Variants in PHKB observed in about 807,000 individuals in gnomAD.
PHKB encodes the protein phosphorylase kinase regulatory subunit beta, also known as phosphorylase b kinase regulatory subunit beta.
Under a neutral mutation model 152.1 loss-of-function variants are expected in PHKB, and 122 were observed. The ratio of observed to expected loss-of-function variants is 0.80; its 90% confidence interval spans 0.69 to 0.93. PHKB has a LOEUF of 0.93. Among genes scored for constraint, PHKB ranks in the 40% least tolerant of loss-of-function variants. The probability of loss-of-function intolerance (pLI) is 0.00; values close to 1 mark genes in which losing one functional copy is unlikely to be tolerated. For missense variants in PHKB, 1,304 were observed against 1,328.4 expected, an observed-to-expected ratio of 0.98 and a Z score of 0.29; for synonymous variants, 436 against 464.9, an observed-to-expected ratio of 0.94 and a Z score of 0.80.
At chr16:47,623,859 G>A (rs1357826705) in intron 14 of PHKB, among the ~76,000 whole-genome samples, 2 of 152,034 alleles carry the variant, frequency 1.3e-5, no homozygotes, top group Non-Finnish European at 2.9e-5. Context: ...CGCCCAGCCT[G>A]ACAGTTTTGA....
chr16:47,561,831 T>C (rs781012434), intron 7 of PHKB: 1 of 152,226 alleles, frequency 6.6e-6, no homozygotes, highest in Non-Finnish European at 1.5e-5. Flanking sequence ...TGGACTCAAA[T>C]TGTCCAAGTT....
At chr16:47,682,170 C>G (rs919349858) in intron 26 of PHKB, among the ~76,000 whole-genome samples, 1 of 152,314 alleles carries the variant, frequency 6.6e-6, no homozygotes, top group African/African-American at 2.4e-5. Context: ...GTTACCCGAC[C>G]TTTCTCTCTG....
chr16:47,501,546 G>A (rs898513258), intron 3 of PHKB, among the ~76,000 whole-genome samples: 2 of 152,214 alleles, frequency 1.3e-5, no homozygotes, highest in Non-Finnish European at 2.9e-5. Context: ...AAATCTCCTT[G>A]TTTTCTAGAG....
chr16:47,692,046 G>GTTTGAGCTTTGTCACTT (rs1974070770), intron 27 of PHKB, among the ~76,000 whole-genome samples: 1 of 152,138 alleles, frequency 6.6e-6, no homozygotes, highest in Non-Finnish European at 1.5e-5. Flanking sequence ...ACCCTTAGAC[G>GTTTGAGCTTTGTCACTT]TTTGAGCTTT....
chr16:47,493,223 C>T (rs541297849), intron 1 of PHKB, among the ~76,000 whole-genome samples: 2 of 152,200 alleles, frequency 1.3e-5, no homozygotes, highest in South Asian at 4.1e-4. Context: ...ACACCAGGAG[C>T]AGGAGGGGGG....
chr16:47,669,748 GC>G (rs1454880572), intron 26 of PHKB, among the ~76,000 whole-genome samples: 1 of 152,190 alleles, frequency 6.6e-6, no homozygotes, highest in Non-Finnish European at 1.5e-5. Flanking sequence ...AAATGGATAG[GC>G]CTTAAGAGAA....
intron 6 of PHKB, among the ~76,000 whole-genome samples, chr16:47,539,595 C>G (rs184921284): frequency 6.6e-6 from 1 of 152,016 alleles, no homozygotes. Flanking sequence ...ATATTAGACT[C>G]TAAGCTTAAG....
In PHKB at chr16:47,471,813, C is replaced by T. The variant is rs545133104; in HGVS notation, c.76+10387C>T. Among the ~76,000 whole-genome samples, 15 of 152,240 alleles carry T rather than the reference C, an allele frequency of 9.9e-5. 1 individual carries two copies. The South Asian group carries it at 3.1e-3, about 32-fold the overall frequency. On this transcript the variant is annotated intron_variant, in intron 1 of 30. Coordinates refer to ENST00000323584, the MANE Select transcript of PHKB (RefSeq NM_000293.3). ...CATAATTAATTAAGGTGCATATATA[C>T]AAATATAAAATGTATATGTGTCACG...
chr16:47,555,490 G>C (rs1049775805), intron 7 of PHKB, among the ~76,000 whole-genome samples: 4 of 152,204 alleles, frequency 2.6e-5, no homozygotes, highest in African/African-American at 9.6e-5. Context: ...CCAAACAAAT[G>C]TTGCTTTATT....
At chr16:47,535,405 T>G (rs1970934939) in intron 6 of PHKB, among the ~76,000 whole-genome samples, 1 of 152,224 alleles carries the variant, frequency 6.6e-6, no homozygotes, top group Non-Finnish European at 1.5e-5. Flanking sequence ...AAACTCAGTA[T>G]CTCCTTATCT....
In PHKB at chr16:47,693,472, A is replaced by G. The variant is rs1164468458; in HGVS notation, c.2860A>G (p.Asn954Asp). 5 of 1,613,964 alleles carry G rather than the reference A, an allele frequency of 3.1e-6. No individual in the cohort carries two copies. Among genetic ancestry groups the G allele is most frequent in the Non-Finnish European group, 1.7e-6 (2 of 1,180,012 alleles). ...GTGGCAGATTCTGGAGCGCACGCCC[A>G]ATGGGATCATTGTTGCTGGGAAGCA... ...RVWQILERTP[N>D]GIIVAGKHLP... is the part of the protein sequence containing the mutation. The change falls in exon 28 of 31, where the codon AAT becomes GAT. Residue 954 changes from asparagine to aspartate, a missense_variant. Physicochemically the swap from Asn to Asp is conservative, Grantham distance 23 (BLOSUM62 1). Transcript: ENST00000323584.
Position 47,575,214 on chromosome 16 carries a change from G to A in PHKB, c.711-5081G>A, listed in dbSNP as rs566402209. 6.6e-5 allele frequency among the ~76,000 whole-genome samples: 10 copies of A among 152,294 alleles called. No homozygotes were observed. The South Asian group carries it at 1.5e-3, about 22-fold the overall frequency. On this transcript the variant is annotated intron_variant, in intron 7 of 30. Transcript: ENST00000323584. ...AAAGTCAAAAACTAACATATTGGAA[G>A]GGTTTGGAGAAAAGGGAACACTGAT...
At chr16:47,566,410 T>C in intron 7 of PHKB, 2 of 1,604,784 alleles carry the variant, frequency 1.2e-6, no homozygotes, top group South Asian at 2.2e-5. Flanking sequence ...ATTCTCCTGT[T>C]ACCTAGAGAC....
At chr16:47,461,448 C>A (rs746378892) in intron 1 of PHKB, 22 bp downstream of exon 1, 3 of 1,610,426 alleles carry the variant, frequency 1.9e-6, no homozygotes, top group Non-Finnish European at 2.5e-6. Flanking sequence ...TGGGGCGCCG[C>A]CCCCCACCCG....
chr16:47,616,766 AAT>A (rs1972526445), intron 14 of PHKB, among the ~76,000 whole-genome samples: 1 of 151,620 alleles, frequency 6.6e-6, no homozygotes, highest in African/African-American at 2.4e-5. Flanking sequence ...CACGCACAGA[AAT>A]ATAGAGTGTG....
chr16:47,654,780 C>T (rs1371468082), intron 20 of PHKB, among the ~76,000 whole-genome samples: 1 of 140,492 alleles, frequency 7.1e-6, no homozygotes, highest in African/African-American at 2.7e-5. Context: ...GGATGGGGAA[C>T]ATCACACACC....
intron 13 of PHKB, among the ~76,000 whole-genome samples, chr16:47,600,270 GTTAA>G (rs1972198339): frequency 6.6e-6 from 1 of 152,062 alleles, no homozygotes; most frequent in Admixed American, 6.5e-5. Context: ...TAAAAAATAA[GTTAA>G]TTATTCACAG....
chr16:47,566,071 CT>C (rs1336629823), intron 7 of PHKB: 2 of 663,706 alleles, frequency 3.0e-6, no homozygotes, highest in Non-Finnish European at 2.7e-6. Context: ...CTGCCAAATG[CT>C]TTTTTGCCAT....
intron 6 of PHKB, among the ~76,000 whole-genome samples, chr16:47,540,830 T>G (rs1208270693): frequency 1.4e-5 from 2 of 143,858 alleles, no homozygotes; most frequent in East Asian, 2.0e-4. Context: ...TTTTTTTTTT[T>G]TTTTTTTTTT....
Sources: allele counts gnomAD v4.1 joint callset (sites outside exome capture counted in the v4.1 genomes callset), GRCh38; gene constraint gnomAD v4.1.1; transcripts MANE v1.5; gene names NCBI Gene and HGNC (gene_info 2026-07-23, HGNC 2026-07-21).